The following BCAR1 variants were observed in gnomAD, a reference collection of about 807,000 sequenced individuals.
The protein encoded by BCAR1 is breast cancer anti-estrogen resistance protein 1.
A neutral mutation model predicts 67.6 loss-of-function variants in BCAR1; 30 were observed. The observed-to-expected ratio is 0.44, with a 90% CI of 0.33 to 0.60. The LOEUF (loss-of-function observed/expected upper bound fraction) is 0.60, where lower values mean the gene tolerates loss of function less well. Among genes scored for constraint, BCAR1 ranks in the 20% least tolerant of loss-of-function variants. The pLI is 0.02. For synonymous variants in BCAR1, 626 were observed against 556.7 expected (o/e 1.12, Z -1.75); for missense variants, 1,313 against 1,222.3 (o/e 1.07, Z -1.11).
chr16:75,231,741 G>T (rs2076908153), intron 6 of BCAR1, among the ~76,000 whole-genome samples: 1 of 152,254 alleles, frequency 6.6e-6, no homozygotes, highest in South Asian at 2.1e-4. Context: ...CAGCCTAAGT[G>T]TCCAACAGCA....
intron 1 of BCAR1, among the ~76,000 whole-genome samples, chr16:75,265,594 G>A (rs2077990733): frequency 6.6e-6 from 1 of 151,994 alleles, no homozygotes; most frequent in African/African-American, 2.4e-5. Flanking sequence ...GGGACAGTAC[G>A]GACCCCAGCC....
chr16:75,258,961 AAGG>A (rs139887390), intron 1 of BCAR1, among the ~76,000 whole-genome samples: 1 of 152,238 alleles, frequency 6.6e-6, no homozygotes. Flanking sequence ...GTGGCCTGGG[AAGG>A]AGGAGGAGGA....
rs763732321 is a variant in BCAR1, at chr16:75,234,928, C to A, written c.1971G>T (p.Glu657Asp). The stretch of plus-strand genomic sequence containing the variant: ...AGTCATAGTCCTCCATCCAGCCCCC[C>A]TCGCTGTTCTCGTACTGCCCATCTG... The part of the protein sequence containing the change: ...DSPDGQYENS[E>D]GGWMEDYDYV... The change falls in exon 5 of 7, where the codon GAG (glutamate) becomes GAT (aspartate). Residue 657 changes from glutamate to aspartate, a missense_variant. Around this residue, in one of 2 missense-constraint regions of BCAR1, gnomAD observed 1,272 missense variants for 1,137.5 expected, o/e 1.12. Transcript: ENST00000162330. 27 of 1,558,484 alleles carry A rather than the reference C, an allele frequency of 1.7e-5. No homozygotes were observed. The East Asian group carries it at 3.6e-4, about 21-fold the overall frequency.
upstream of BCAR1, among the ~76,000 whole-genome samples, chr16:75,253,405 G>C (rs562983013): frequency 7.9e-5 from 12 of 152,266 alleles, no homozygotes; most frequent in East Asian, 2.3e-3. Flanking sequence ...CTGCAGGGAC[G>C]GGCAAGGACA....
chr16:75,234,096 GAC>G (rs112392504), intron 5 of BCAR1, among the ~76,000 whole-genome samples, 161 bp from the exon 6 acceptor site: 23,185 of 148,350 alleles, frequency 0.16, 4,294 homozygotes, highest in African/African-American at 0.45. Flanking sequence ...AGCACACGTG[GAC>G]ACACACACAC....
Position 75,229,168 on chromosome 16 carries a change from A to C in BCAR1, c.*343T>G. On this transcript the variant is annotated 3_prime_UTR_variant, in exon 7 of 7. Transcript: ENST00000162330. ...CAAACTGCACTGGCCCTGTCAGGGGACACGGCACCCTCGTGGGACCAGGCT... is the reference window on the plus strand; with the variant it reads ...CAAACTGCACTGGCCCTGTCAGGGGCCACGGCACCCTCGTGGGACCAGGCT... 1 of 267,392 alleles carries C rather than the reference A, an allele frequency of 3.7e-6. No homozygotes were observed. Among genetic ancestry groups the C allele is most frequent in the East Asian group, 6.9e-5 (1 of 14,458 alleles). The allele number at this position is 267,392 out of a possible 1,614,324, so 16.6% of individuals were successfully genotyped here.
chr16:75,229,985 C>A lies in BCAR1; in HGVS notation c.2139G>T (p.Arg713=). The A allele has an allele frequency of 6.4e-7, 1 of 1,570,742 alleles. No individual in the cohort carries two copies. Among genetic ancestry groups the A allele is most frequent in the Non-Finnish European group, 8.6e-7 (1 of 1,156,114 alleles). ...AGTTGGCCAGGTCGTGGTCTATGGG[C>A]CGTGACACCTCCTGTTCCAGTCGTT... The part of the protein sequence containing the change: ...QFERLEQEVS[R]PIDHDLANWT... Residue 713 remains arginine, a synonymous_variant, in exon 7 of 7, where the codon CGG becomes CGT. Transcript: ENST00000162330.
chr16:75,248,321 A>G, intron 1 of BCAR1: 1 of 1,368,204 alleles, frequency 7.3e-7, no homozygotes. Context: ...GCACTTGGGA[A>G]ACACTGACTT....
At position 75,242,860 on chromosome 16, in the gene BCAR1, G is replaced by A; in HGVS notation, c.243C>T (p.Thr81=). 2 of 1,609,546 alleles carry A rather than the reference G, an allele frequency of 1.2e-6. No homozygotes were observed. The highest frequency in any genetic ancestry group is 1.7e-6 in the Non-Finnish European group (2 of 1,178,992). Residue 81 remains threonine, a synonymous_variant, in exon 2 of 7, where the codon ACC becomes ACT. Transcript: ENST00000162330. ...PAGPGPGPPA[T]PAQPQPGLHA... ...GGAGGCCAGGCTGAGGCTGGGCCGGGGTGGCGGGAGGGCCGGGGCCAGGCC... is the reference window on the plus strand; with the variant it reads ...GGAGGCCAGGCTGAGGCTGGGCCGGAGTGGCGGGAGGGCCGGGGCCAGGCC...
chr16:75,235,402 C>G lies in BCAR1; in HGVS notation c.1497G>C (p.Pro499=). The change falls in exon 5 of 7, where the codon CCG becomes CCC. Residue 499 remains proline (P), a synonymous_variant. Coordinates refer to ENST00000162330, the MANE Select transcript of BCAR1 (RefSeq NM_014567.5). The part of the protein sequence containing the change: ...SWRSPSEPQE[P]LVQDLQAAVA... ...CAGCAGCCTGCAGGTCCTGCACCAG[C>G]GGCTCCTGTGGCTCAGAGGGGCTAC... The G allele has an allele frequency of 6.2e-7, 1 of 1,607,320 alleles. No homozygotes were observed.
chr16:75,241,426 C>G (rs1406331906), intron 2 of BCAR1, among the ~76,000 whole-genome samples: 1 of 152,080 alleles, frequency 6.6e-6, no homozygotes, highest in African/African-American at 2.4e-5. Flanking sequence ...GCCTGAGGCT[C>G]CCCTACAGGA....
upstream of BCAR1, among the ~76,000 whole-genome samples, chr16:75,254,734 G>GGAGT (rs1366117671): frequency 6.6e-6 from 1 of 152,202 alleles, no homozygotes; most frequent in Non-Finnish European, 1.5e-5. Context: ...TGTCATCCCA[G>GGAGT]GAGTGGCCTG....
At chr16:75,237,505 C>G (rs991853710) in intron 2 of BCAR1, 161 bp from the exon 3 acceptor site, 1 of 841,666 alleles carries the variant, frequency 1.2e-6, no homozygotes, top group East Asian at 3.3e-5. Flanking sequence ...TCTGCACCAT[C>G]TGACCTTCCT....
At chr16:75,239,689 C>T in intron 2 of BCAR1, among the ~76,000 whole-genome samples, 1 of 152,302 alleles carries the variant, frequency 6.6e-6, no homozygotes, top group South Asian at 2.1e-4. Flanking sequence ...AGCGCTGCGA[C>T]CACGGCCACC....
upstream of BCAR1, chr16:75,252,475 G>C: frequency 7.3e-7 from 1 of 1,371,228 alleles, no homozygotes; most frequent in African/African-American, 1.5e-5. Flanking sequence ...CTCCTGAGTT[G>C]CCCCTTGCTC....
chr16:75,243,919 G>A (rs1315045193), intron 1 of BCAR1, among the ~76,000 whole-genome samples: 2 of 152,238 alleles, frequency 1.3e-5, no homozygotes, highest in African/African-American at 4.8e-5. Flanking sequence ...GCGCAGGATG[G>A]GCCCAGAGAG....
intron 1 of BCAR1, chr16:75,250,242 G>C (rs933310291): frequency 6.6e-6 from 1 of 152,500 alleles, no homozygotes; most frequent in African/African-American, 2.4e-5. Flanking sequence ...GTGCCAGGAG[G>C]AAGTGTCAGC....
At chr16:75,266,128 T>A in intron 1 of BCAR1, 9 of 733,818 alleles carry the variant, frequency 1.2e-5, no homozygotes, top group Non-Finnish European at 1.5e-5. Flanking sequence ...TCTCCTCCGC[T>A]CCTCGCCGAT....
chr16:75,266,768 G>C, intron 1 of BCAR1: 2 of 1,450,686 alleles, frequency 1.4e-6, no homozygotes, highest in Non-Finnish European at 1.8e-6. Flanking sequence ...CCTGGGGACG[G>C]TGGGTGAGCA....
Sources: gnomAD v4.1 joint callset for allele counts (sites outside exome capture counted in the v4.1 genomes callset) on GRCh38, gnomAD v4.1.1 for gene constraint, gnomAD v4.1.1 regional missense constraint, MANE v1.5 for transcripts, NCBI Gene and HGNC (gene_info 2026-07-23, HGNC 2026-07-21) for gene names.